PHC1: variants seen among roughly 807,000 people sequenced by gnomAD.
PHC1 encodes the protein polyhomeotic-like protein 1.
PHC1 carries 12 observed loss-of-function variants against 104.3 expected under a neutral mutation model. The observed-to-expected ratio is 0.12, with a 90% CI of 0.07 to 0.19. The LOEUF is 0.19. Ranked by LOEUF, PHC1 falls within the 10% of genes least tolerant of loss-of-function variation. PHC1 has a pLI of 1.00. For missense variants in PHC1, 671 were observed against 1,200.0 expected (o/e 0.56, Z 6.51); for synonymous variants, 302 against 455.8 (o/e 0.66, Z 4.30).
chr12:8,923,248 C>T (rs560783246), intron 6 of PHC1, among the ~76,000 whole-genome samples: 40 of 152,326 alleles, frequency 2.6e-4, no homozygotes, highest in Non-Finnish European at 4.7e-4. Flanking sequence ...TCTTCTCTTC[C>T]TGTTCACTGT....
At chr12:8,924,409 G>A (rs913216539) in intron 6 of PHC1, among the ~76,000 whole-genome samples, 3 of 152,162 alleles carry the variant, frequency 2.0e-5, no homozygotes, top group East Asian at 1.9e-4. Flanking sequence ...CTGGGAGGTG[G>A]AGGTTGCAGT....
intron 11 of PHC1, 42 bp downstream of exon 11, chr12:8,935,280 G>A (rs182055973): frequency 1.4e-5 from 15 of 1,054,228 alleles, no homozygotes; most frequent in African/African-American, 8.0e-5. Flanking sequence ...AAGGAGACTC[G>A]TGGAGATGTG....
chr12:8,918,770 C>T (rs1179174115), intron 2 of PHC1, among the ~76,000 whole-genome samples: 2 of 152,206 alleles, frequency 1.3e-5, no homozygotes, highest in Non-Finnish European at 2.9e-5. Context: ...TTCTTAACAT[C>T]CTATGGAGAA....
chr12:8,935,225 C>A lies in PHC1; in HGVS notation c.2355C>A (p.Asp785Glu), dbSNP rs1271652677. ...ENQSGGPLGV[D>E]SPSAELDKKA... ...AGTCAGGTGGCCCTTTGGGAGTGGA[C>A]AGCCCATCTGCTGGTGAGCATTTAT... Residue 785 changes from aspartate to glutamate, a missense_variant, in exon 11 of 15, where the codon GAC becomes GAA. Physicochemically the swap from Asp to Glu is conservative, Grantham distance 45. Coordinates refer to ENST00000544916, the MANE Select transcript of PHC1 (RefSeq NM_004426.3). The A allele has an allele frequency of 4.5e-6, 7 of 1,566,514 alleles. No individual in the cohort carries two copies. In the South Asian group the frequency reaches 5.8e-5, roughly 13 times the overall value.
intron 6 of PHC1, among the ~76,000 whole-genome samples, chr12:8,930,149 A>G (rs891526933): frequency 1.3e-5 from 2 of 152,228 alleles, no homozygotes; most frequent in African/African-American, 4.8e-5. Context: ...GAGGTGCTGA[A>G]TGATTGAATG....
At chr12:8,914,299 G>A (rs1199620008), upstream of PHC1, among the ~76,000 whole-genome samples, 1 of 152,026 alleles carries the variant, frequency 6.6e-6, no homozygotes, top group Non-Finnish European at 1.5e-5. Context: ...AAAGAAGGGG[G>A]TAAAAAAGAG....
Position 8,922,808 on chromosome 12 carries a change from C to T in PHC1, c.612+20C>T, listed in dbSNP as rs761103881. ...GATCAGGTTAGTGGCGATGACTTTA[C>T]CTGTGGGTGGGCACTGGGCAGGATG... On this transcript the variant is annotated intron_variant, in intron 6 of 14. Coordinates refer to ENST00000544916, the MANE Select transcript of PHC1 (RefSeq NM_004426.3). The T allele has an allele frequency of 6.2e-6, 10 of 1,609,682 alleles. No homozygotes were observed. In the South Asian group the frequency reaches 6.7e-5, roughly 11 times the overall value.
chr12:8,921,467 A>T lies in PHC1; in HGVS notation c.307-134A>T. Reference sequence around the variant, plus strand: ...GGATGACAGTTTTGGATATGAAGACATTATTTATTTCCCCCGGCTCCATGA... The same window carrying T: ...GGATGACAGTTTTGGATATGAAGACTTTATTTATTTCCCCCGGCTCCATGA... On this transcript the variant is annotated intron_variant, in intron 4 of 14. Coordinates refer to ENST00000544916, the MANE Select transcript of PHC1 (RefSeq NM_004426.3). The T allele has an allele frequency of 1.4e-5, 11 of 810,728 alleles. No individual in the cohort carries two copies. In the South Asian group the frequency reaches 1.6e-4, roughly 12 times the overall value. 50.2% of individuals were successfully genotyped at this position (810,728 alleles called of 1,614,324 possible). A position where few individuals can be genotyped will look rare whatever the true frequency, so the allele number is the denominator to read the frequency against.
Position 8,922,667 on chromosome 12 carries a change from C to A in PHC1, c.491C>A (p.Thr164Asn), listed in dbSNP as rs1945399159. The change falls in exon 6 of 15, where the codon ACC (threonine) becomes AAC (asparagine). Residue 164 changes from threonine (T) to asparagine (N), a missense_variant. By Grantham distance (65) the Thr-to-Asn change is moderately conservative. This residue lies in a region of PHC1 where 237 missense variants were observed against 331.1 expected (regional missense o/e 0.72). Transcript: ENST00000544916. ...QLGNLLQVNR[T>N]LGRNVPLASQ... ...GGAAACCTATTGCAGGTAAACCGAA[C>A]CCTGGGTCGGAATGTGCCTCTAGCC... 6.3e-7 allele frequency: 1 copy of A among 1,594,854 alleles called. No individual in the cohort carries two copies. Among genetic ancestry groups the A allele is most frequent in the South Asian group, 1.1e-5 (1 of 87,758 alleles).
chr12:8,928,048 G>T (rs992394259), intron 6 of PHC1, among the ~76,000 whole-genome samples: 4 of 151,588 alleles, frequency 2.6e-5, no homozygotes, highest in Admixed American at 6.6e-5. Flanking sequence ...CTTGATTACA[G>T]GCGCGTGCCA....
chr12:8,929,212 G>A (rs1165765814), intron 6 of PHC1, among the ~76,000 whole-genome samples: 1 of 152,150 alleles, frequency 6.6e-6, no homozygotes, highest in Non-Finnish European at 1.5e-5. Flanking sequence ...AATCAGTTAA[G>A]CAGACATCAT....
rs373680736 is a variant in PHC1, at chr12:8,932,550, AT to A, written c.1106-11del. On this transcript the variant is annotated splice_polypyrimidine_tract_variant and intron_variant, in intron 7 of 14. Transcript: ENST00000544916. ...TTTTTTCTCTCTGTTGTATTCTGGG[AT>A]TGTTCCTATAGCCACCTACACACAG... 4.0e-4 allele frequency: 641 copies of A among 1,611,418 alleles called. 4 individuals carry two copies. In the South Asian group the frequency reaches 5.9e-3, roughly 15 times the overall value.
chr12:8,918,695 C>T (rs1014847230), intron 2 of PHC1, among the ~76,000 whole-genome samples: 5 of 152,114 alleles, frequency 3.3e-5, no homozygotes, highest in African/African-American at 1.2e-4. Flanking sequence ...CTAGTCTTTG[C>T]TATGGCATGT....
chr12:8,922,873 A>G (rs757739276), intron 6 of PHC1, 85 bp downstream of exon 6: 162 of 1,184,190 alleles, frequency 1.4e-4, no homozygotes, highest in Non-Finnish European at 1.8e-4. Context: ...CTTCTGCCCC[A>G]TTACACTTTT....
At chr12:8,938,911 C>T (rs1209448926) in intron 14 of PHC1, among the ~76,000 whole-genome samples, 4 of 152,024 alleles carry the variant, frequency 2.6e-5, no homozygotes, top group East Asian at 1.9e-4. Flanking sequence ...CTGCAACCTC[C>T]GCATCCTGGG....
At chr12:8,929,129 A>G (rs1328537880) in intron 6 of PHC1, among the ~76,000 whole-genome samples, 2 of 152,246 alleles carry the variant, frequency 1.3e-5, no homozygotes, top group Non-Finnish European at 2.9e-5. Flanking sequence ...GTATTGATTT[A>G]TACTTCAATC....
rs774192447 is a variant in PHC1, at chr12:8,919,216, C to T, written c.115-540C>T. On this transcript the variant is annotated intron_variant, in intron 2 of 14. Coordinates refer to ENST00000544916, the MANE Select transcript of PHC1 (RefSeq NM_004426.3). The surrounding 1 kb of genome is among the most constrained non-coding windows in gnomAD (Gnocchi z 4.9). ...TTGGGATTACAGGCGCCCACCACCA[C>T]GCCCAGCTAATTTTTTGTATTTTTA... Among the ~76,000 whole-genome samples, 16 of 152,278 alleles carry T rather than the reference C, an allele frequency of 1.1e-4. No individual in the cohort carries two copies. Among genetic ancestry groups the T allele is most frequent in the Non-Finnish European group, 1.8e-4 (12 of 68,030 alleles).
At position 8,939,453 on chromosome 12, in the gene PHC1, G is replaced by A; in HGVS notation, c.3009G>A (p.Glu1003=). The change falls in exon 15 of 15, where the codon GAG becomes GAA. Residue 1003 remains glutamate (E), a synonymous_variant. Transcript: ENST00000544916. ...KICAKINVLK[E]T ...GCGCCAAGATAAATGTCCTCAAGGA[G>A]ACCTAAGGTGGCCCTCTTGCACAAA... 1 of 1,559,714 alleles carries A rather than the reference G, an allele frequency of 6.4e-7. No homozygotes were observed. Among genetic ancestry groups the A allele is most frequent in the South Asian group, 1.2e-5 (1 of 86,692 alleles).
In PHC1 at chr12:8,935,183, A is replaced by G. The variant is rs774263671; in HGVS notation, c.2313A>G (p.Thr771=). Residue 771 remains threonine (T), a synonymous_variant, in exon 11 of 15, where the codon ACA becomes ACG. Transcript: ENST00000544916. ...AGCCACTACAGACTGGCCTTCCGAC[A>G]GGGCTGACTGAGAATCAGTCAGGTG... ...SEKPLQTGLP[T]GLTENQSGGP... 2 of 1,593,072 alleles carry G rather than the reference A, an allele frequency of 1.3e-6. No individual in the cohort carries two copies. Among genetic ancestry groups the G allele is most frequent in the East Asian group, 2.3e-5 (1 of 44,398 alleles).
Sources: gnomAD v4.1 joint callset for allele counts (sites outside exome capture counted in the v4.1 genomes callset) on GRCh38, gnomAD v4.1.1 for gene constraint, gnomAD v4.1.1 regional missense constraint, Gnocchi (gnomAD v3.1) non-coding constraint, MANE v1.5 for transcripts, NCBI Gene and HGNC (gene_info 2026-07-23, HGNC 2026-07-21) for gene names.